SIRPB1: variants seen among roughly 807,000 people sequenced by gnomAD.
SIRPB1 encodes the protein signal-regulatory protein beta-1.
Under a neutral mutation model 34.1 loss-of-function variants are expected in SIRPB1, and 28 were observed. The observed-to-expected ratio is 0.82, with a 90% CI of 0.61 to 1.12. SIRPB1 has a LOEUF of 1.12. Among genes scored for constraint, SIRPB1 ranks in the 50% most tolerant of loss-of-function variants. The probability of loss-of-function intolerance (pLI) is 0.00; values close to 1 mark genes in which losing one functional copy is unlikely to be tolerated. For synonymous variants in SIRPB1, 211 were observed against 203.8 expected (o/e 1.04, Z -0.30); for missense variants, 499 against 507.0 (o/e 0.98, Z 0.15).
intron 2 of SIRPB1, 90 bp from the exon 3 acceptor site, chr20:1,572,127 G>C: frequency 6.3e-7 from 1 of 1,582,418 alleles, no homozygotes; most frequent in Non-Finnish European, 8.6e-7. Flanking sequence ...CTTCTGAGAC[G>C]TTAGTTTTTA....
Position 1,564,248 on chromosome 20 carries a change from T to A in SIRPB1, c.*1252A>T, listed in dbSNP as rs1427709102. On this transcript the variant is annotated 3_prime_UTR_variant, in exon 6 of 6. Transcript: ENST00000381605. ...AGGTTGCACAGTCATTTTTGCAATCTTGCACTGCCATGAAAAGTGAGGGCT... is the reference window on the plus strand; with the variant it reads ...AGGTTGCACAGTCATTTTTGCAATCATGCACTGCCATGAAAAGTGAGGGCT... The A allele has an allele frequency of 6.6e-6, 1 of 152,184 alleles. No individual in the cohort carries two copies. The highest frequency in any genetic ancestry group is 1.5e-5 in the Non-Finnish European group (1 of 68,032). The allele number at this position is 152,184 out of a possible 1,614,324, so 9.4% of individuals were successfully genotyped here. A position where few individuals can be genotyped will look rare whatever the true frequency, so the allele number is the denominator to read the frequency against.
rs1293716370 is a variant in SIRPB1 at position 1,562,275 on chromosome 20, C to T, written c.*3225G>A. On this transcript the variant is annotated 3_prime_UTR_variant, in exon 6 of 6. Transcript: ENST00000381605. ...TCTTTAAAGAAAGAGCTTGAGAATA[C>T]AGCACACAAGCCAAGTGATCAAATG... Among the ~76,000 whole-genome samples the T allele has an allele frequency of 1.3e-5, 2 of 152,230 alleles. No homozygotes were observed. Among genetic ancestry groups the T allele is most frequent in the South Asian group, 2.1e-4 (1 of 4,814 alleles).
In SIRPB1 at chr20:1,565,304, C is replaced by A; in HGVS notation, c.*196G>T. 1 of 346,326 alleles carries A rather than the reference C, an allele frequency of 2.9e-6. No homozygotes were observed. The highest frequency in any genetic ancestry group is 4.1e-5 in the East Asian group (1 of 24,170). The allele number at this position is 346,326 out of a possible 1,614,324, so 21.5% of individuals were successfully genotyped here. A position where few individuals can be genotyped will look rare whatever the true frequency, so the allele number is the denominator to read the frequency against. The stretch of plus-strand genomic sequence containing the variant: ...CAGTGCCCAGAGCCCAATCCCATGG[C>A]CCCTGCTCAGGACCGTGAATAGAGA... On this transcript the variant is annotated 3_prime_UTR_variant, in exon 6 of 6. Transcript: ENST00000381605.
Position 1,563,102 on chromosome 20 carries a change from C to A in SIRPB1, c.*2398G>T, listed in dbSNP as rs2091093211. Among the ~76,000 whole-genome samples the A allele has an allele frequency of 6.6e-6, 1 of 152,190 alleles. No individual in the cohort carries two copies. Among genetic ancestry groups the A allele is most frequent in the Admixed American group, 6.5e-5 (1 of 15,278 alleles). On this transcript the variant is annotated 3_prime_UTR_variant, in exon 6 of 6. Transcript: ENST00000381605. ...AGCAAAAAACTTCACATGAAAGGAT[C>A]TTCTGGAGTGATTCCACAATATTGA...
Position 1,563,143 on chromosome 20 carries a change from G to C in SIRPB1, c.*2357C>G, listed in dbSNP as rs1051874921. On this transcript the variant is annotated 3_prime_UTR_variant, in exon 6 of 6. Transcript: ENST00000381605. ...ACAATATTGAAAATTCAAGGGATAA[G>C]ATGTTGGAAGCTAGTCCAAACTTAG... Among the ~76,000 whole-genome samples the C allele has an allele frequency of 2.6e-5, 4 of 152,170 alleles. No homozygotes were observed. Among genetic ancestry groups the C allele is most frequent in the Non-Finnish European group, 5.9e-5 (4 of 68,028 alleles).
chr20:1,571,032 C>G lies in SIRPB1; in HGVS notation c.857G>C (p.Trp286Ser). Residue 286 changes from tryptophan to serine, a missense_variant, in exon 4 of 6, where the codon TGG becomes TCG. Transcript: ENST00000381605. The part of the protein sequence containing the change: ...NFYPRGLQLT[W>S]LENGNVSRTE... The stretch of plus-strand genomic sequence containing the variant: ...CCGGGACACATTTCCATTCTCCAAC[C>G]AGGTCAGCTGTAGTCCCCGGGGGTA... 6.2e-7 allele frequency: 1 copy of G among 1,614,182 alleles called. No homozygotes were observed. Among genetic ancestry groups the G allele is most frequent in the Non-Finnish European group, 8.5e-7 (1 of 1,180,026 alleles).
rs1177334519 is a variant in SIRPB1, at chr20:1,564,864, G to A, written c.*636C>T. On this transcript the variant is annotated 3_prime_UTR_variant, in exon 6 of 6. Coordinates refer to ENST00000381605, the MANE Select transcript of SIRPB1 (RefSeq NM_006065.5). ...ATTTTGGAGGCAGAACTGAATATGA[G>A]TTGTAAAGGGCAGTCATCGAGGGCT... The A allele has an allele frequency of 2.5e-6, 1 of 398,562 alleles. No homozygotes were observed. Among genetic ancestry groups the A allele is most frequent in the Non-Finnish European group, 4.4e-6 (1 of 226,054 alleles). 24.7% of individuals were successfully genotyped at this position (398,562 alleles called of 1,614,324 possible).
chr20:1,571,043 T>G lies in SIRPB1; in HGVS notation c.846A>C (p.Leu282=), dbSNP rs774392388. 2 of 1,614,180 alleles carry G rather than the reference T, an allele frequency of 1.2e-6. No homozygotes were observed. Among genetic ancestry groups the G allele is most frequent in the Non-Finnish European group, 8.5e-7 (1 of 1,180,002 alleles). ...TTCCATTCTCCAACCAGGTCAGCTGTAGTCCCCGGGGGTAGAAATTGCTCA... is the reference window on the plus strand; with the variant it reads ...TTCCATTCTCCAACCAGGTCAGCTGGAGTCCCCGGGGGTAGAAATTGCTCA... ...CQVSNFYPRG[L]QLTWLENGNV... The change falls in exon 4 of 6, where the codon CTA becomes CTC. Residue 282 remains leucine (L), a synonymous_variant. Transcript: ENST00000381605.
Position 1,611,607 on chromosome 20 carries a change from A to G in SIRPB1, c.76+8262T>C, listed in dbSNP as rs781213867. 10 of 1,256,464 alleles carry G rather than the reference A, an allele frequency of 8.0e-6. 2 individuals carry two copies. The Admixed American group carries it at 8.1e-5, about 10-fold the overall frequency. 77.8% of individuals were successfully genotyped at this position (1,256,464 alleles called of 1,614,324 possible). ...CTCTGAACCACTGGATGGGCCCCAC[A>G]GGGATCAGGGAAGTCACAGTGCAGT... On this transcript the variant is annotated intron_variant, in intron 1 of 5. Coordinates refer to ENST00000381605, the MANE Select transcript of SIRPB1 (RefSeq NM_006065.5).
intron 2 of SIRPB1, among the ~76,000 whole-genome samples, chr20:1,572,806 G>C (rs150379266): frequency 0.1 from 15,284 of 150,040 alleles, 986 homozygotes; most frequent in Middle Eastern, 0.16. Context: ...GTTTGTAAGA[G>C]CATTGGAATC....
rs1029339591 is a variant in SIRPB1 at position 1,568,751 on chromosome 20, C to T, written c.1084+2054G>A. 1.2e-4 allele frequency among the ~76,000 whole-genome samples: 18 copies of T among 151,688 alleles called. 1 individual carries two copies. Among genetic ancestry groups the T allele is most frequent in the Admixed American group, 1.1e-3 (17 of 15,242 alleles). On this transcript the variant is annotated intron_variant, in intron 4 of 5. Transcript: ENST00000381605. ...CTCAAGTCAATAAATATAAATCCCG[C>T]ACTTAAAGAAACTACAAAAAGTAGG...
chr20:1,577,642 A>G (rs2122220649), intron 2 of SIRPB1, among the ~76,000 whole-genome samples: 1 of 147,488 alleles, frequency 6.8e-6, no homozygotes, highest in South Asian at 2.1e-4. Context: ...CAAATCACAG[A>G]AGGGTTTCCC....
chr20:1,583,438 C>T lies in SIRPB1; in HGVS notation c.77-4744G>A, dbSNP rs546747521. ...CAGTATCTGGCACACGGTGGGTATT[C>T]AAAAATTGTAAAGTGATTACTTGGC... On this transcript the variant is annotated intron_variant, in intron 1 of 5. Coordinates refer to ENST00000381605, the MANE Select transcript of SIRPB1 (RefSeq NM_006065.5). Among the ~76,000 whole-genome samples, 4 of 48,276 alleles carry T rather than the reference C, an allele frequency of 8.3e-5. 2 individuals are homozygous for T. The highest frequency in any genetic ancestry group is 5.5e-4 in the African/African-American group (4 of 7,260). 31.7% of individuals were successfully genotyped at this position (48,276 alleles called of 152,430 possible).
chr20:1,576,057 C>T lies in SIRPB1; in HGVS notation c.433+2281G>A, dbSNP rs2091304129. ...CTCTCTGGCCCCCTTCCCCACCTCC[C>T]TCCTTTCTCATGTAGCTCATCATTT... is the stretch of plus-strand genomic sequence containing the variant. On this transcript the variant is annotated intron_variant, in intron 2 of 5. Coordinates refer to ENST00000381605, the MANE Select transcript of SIRPB1 (RefSeq NM_006065.5). 2.2e-5 allele frequency among the ~76,000 whole-genome samples: 3 copies of T among 135,576 alleles called. No individual in the cohort carries two copies. The South Asian group carries it at 7.1e-4, about 32-fold the overall frequency. The allele number at this position is 135,576 out of a possible 152,430, so 88.9% of individuals were successfully genotyped here.
At chr20:1,579,333 G>T (rs2091369096) in intron 1 of SIRPB1, among the ~76,000 whole-genome samples, 1 of 148,262 alleles carries the variant, frequency 6.7e-6, no homozygotes, top group Non-Finnish European at 1.5e-5. Context: ...GCCATGTTTT[G>T]CCAATTATGG....
intron 4 of SIRPB1, 70 bp downstream of exon 4, chr20:1,570,735 A>G: frequency 1.6e-6 from 2 of 1,233,514 alleles, no homozygotes; most frequent in South Asian, 1.4e-5. Context: ...AGCTTATTTT[A>G]TGACAAGCAT....
rs1415124699 is a variant in SIRPB1, at chr20:1,563,791, C to G, written c.*1709G>C. 1 of 152,132 alleles carries G rather than the reference C, an allele frequency of 6.6e-6. No individual in the cohort carries two copies. The highest frequency in any genetic ancestry group is 1.5e-5 in the Non-Finnish European group (1 of 68,018). The allele number at this position is 152,132 out of a possible 1,614,324, so 9.4% of individuals were successfully genotyped here. On this transcript the variant is annotated 3_prime_UTR_variant, in exon 6 of 6. Transcript: ENST00000381605. ...CACACACTTTCAAAAAACCAGATCT[C>G]ATGAGAACTCACTGAGATCTTATGA...
chr20:1,619,353 T>C (rs1452582429), intron 1 of SIRPB1, among the ~76,000 whole-genome samples: 1 of 151,580 alleles, frequency 6.6e-6, no homozygotes, highest in African/African-American at 2.4e-5. Context: ...GGGAGGAGCA[T>C]GGGGGAACAG....
At chr20:1,619,718 T>G in intron 1 of SIRPB1, 151 bp downstream of exon 1, 1 of 540,726 alleles carries the variant, frequency 1.8e-6, no homozygotes, top group Non-Finnish European at 3.3e-6. Flanking sequence ...ACAGAGAAAG[T>G]GCTCAGCTCC....
Sources: allele counts gnomAD v4.1 joint callset (sites outside exome capture counted in the v4.1 genomes callset), GRCh38; gene constraint gnomAD v4.1.1; transcripts MANE v1.5; gene names NCBI Gene and HGNC (gene_info 2026-07-23, HGNC 2026-07-21).